Variants in DNAH11 observed in about 807,000 individuals in gnomAD.
DNAH11 encodes axonemal beta dynein heavy chain 11.
DNAH11 carries 442 observed loss-of-function variants against 526.0 expected under a neutral mutation model. The observed-to-expected ratio is 0.84, with a 90% CI of 0.78 to 0.91. The LOEUF (loss-of-function observed/expected upper bound fraction) is 0.91, where lower values mean the gene tolerates loss of function less well. DNAH11 is among the 40% of genes least tolerant of loss of function. DNAH11 has a pLI of 0.00. For synonymous variants in DNAH11, 2,461 were observed against 1,935.9 expected (o/e 1.27, Z -7.12); for missense variants, 6,989 against 5,448.7 (o/e 1.28, Z -8.90).
intron 63 of DNAH11, among the ~76,000 whole-genome samples, chr7:21,809,366 G>A (rs1789408038): frequency 1.3e-5 from 2 of 152,018 alleles, no homozygotes; most frequent in Admixed American, 6.6e-5. Context: ...TGTTTCCTTT[G>A]CTGAGCAGAA....
At chr7:21,825,849 C>T (rs1012125919) in intron 65 of DNAH11, among the ~76,000 whole-genome samples, 2 of 151,640 alleles carry the variant, frequency 1.3e-5, no homozygotes, top group East Asian at 1.9e-4. Context: ...GTCCCAGCTA[C>T]TCGGGAGGCT....
intron 2 of DNAH11, among the ~76,000 whole-genome samples, chr7:21,557,130 A>G (rs974498351): frequency 6.6e-6 from 1 of 151,940 alleles, no homozygotes; most frequent in African/African-American, 2.4e-5. Context: ...GCTTAAACCT[A>G]AACTCTTCAG....
At chr7:21,678,009 A>G (rs1483882103) in intron 30 of DNAH11, among the ~76,000 whole-genome samples, 14 of 152,074 alleles carry the variant, frequency 9.2e-5, no homozygotes. Flanking sequence ...ATTTTCTTCC[A>G]TTCCATAGGC....
At chr7:21,824,887 T>G (rs1790208044) in intron 65 of DNAH11, among the ~76,000 whole-genome samples, 1 of 152,208 alleles carries the variant, frequency 6.6e-6, no homozygotes, top group South Asian at 2.1e-4. Context: ...TAATATTGTT[T>G]TTGAAACAGA....
In DNAH11 at chr7:21,899,339, C is replaced by CA; in HGVS notation, c.13055dup (p.Asn4352LysfsTer2). 1 of 1,613,860 alleles carries CA rather than the reference C, an allele frequency of 6.2e-7. No homozygotes were observed. The highest frequency in any genetic ancestry group is 8.5e-7 in the Non-Finnish European group (1 of 1,179,746). On this transcript the variant is annotated frameshift_variant, in exon 80 of 82. Coordinates refer to ENST00000409508, the MANE Select transcript of DNAH11 (RefSeq NM_001277115.2). LOFTEE classifies it high-confidence loss of function. ...CTTCCTCCCTCCCATAAACCAGGTTCAATGACCTCCTCCTGCGATGCCGAG... is the reference window on the plus strand; with the variant it reads ...CTTCCTCCCTCCCATAAACCAGGTTCAAATGACCTCCTCCTGCGATGCCGAG...
At chr7:21,653,557 C>G (rs758574124) in intron 28 of DNAH11, among the ~76,000 whole-genome samples, 7 of 152,174 alleles carry the variant, frequency 4.6e-5, no homozygotes, top group Admixed American at 1.3e-4. Context: ...TGAATATTAT[C>G]TAGGCCCATT....
chr7:21,553,070 A>ATTTTTTTTTT lies in DNAH11; in HGVS notation c.496-5717_496-5708dup, dbSNP rs35121910. Among the ~76,000 whole-genome samples the ATTTTTTTTTT allele has an allele frequency of 1.9e-4, 13 of 66,764 alleles. 1 individual carries two copies. The highest frequency in any genetic ancestry group is 8.0e-4 in the African/African-American group (11 of 13,712). The allele number at this position is 66,764 out of a possible 152,430, so 43.8% of individuals were successfully genotyped here. A position where few individuals can be genotyped will look rare whatever the true frequency, so the allele number is the denominator to read the frequency against. On this transcript the variant is annotated intron_variant, in intron 2 of 81. Transcript: ENST00000409508. ...ATTTTCTCCCTTCAGTATAAATGGGATTTTTTTTTTTTTTTTTTTTTTTTG... is the reference window on the plus strand; with the variant it reads ...ATTTTCTCCCTTCAGTATAAATGGGATTTTTTTTTTTTTTTTTTTTTTTTTTTTTTTTTTG...
At chr7:21,646,595 A>C (rs966519342) in intron 28 of DNAH11, among the ~76,000 whole-genome samples, 4 of 152,292 alleles carry the variant, frequency 2.6e-5, no homozygotes, top group African/African-American at 9.6e-5. Flanking sequence ...ATAGTGCACT[A>C]CATGTGAGGA....
In DNAH11 at chr7:21,725,979, C is replaced by T; in HGVS notation, c.7435C>T (p.Leu2479=). The change falls in exon 45 of 82, where the codon CTG becomes TTG. Residue 2479 remains leucine, a synonymous_variant. Transcript: ENST00000409508. ...AQFTMDPDVP[L]QTVLVHTTET... ...GTTTACTATGGATCCAGATGTGCCT[C>T]TGCAGGTAGGTGTGTGGAACATAGC... is the stretch of plus-strand genomic sequence containing the variant. 1 of 1,550,682 alleles carries T rather than the reference C, an allele frequency of 6.4e-7. No homozygotes were observed. Among genetic ancestry groups the T allele is most frequent in the Admixed American group, 2.0e-5 (1 of 50,582 alleles).
At chr7:21,890,053 C>T (rs62445892) in intron 76 of DNAH11, among the ~76,000 whole-genome samples, 7,468 of 152,226 alleles carry the variant, frequency 0.049, 233 homozygotes, top group Non-Finnish European at 0.063. Flanking sequence ...ACGAGGAAGA[C>T]CAAAACTTAC....
chr7:21,839,174 C>G (rs1230551722), intron 65 of DNAH11, among the ~76,000 whole-genome samples: 1 of 152,116 alleles, frequency 6.6e-6, no homozygotes, highest in African/African-American at 2.4e-5. Flanking sequence ...TTTTACCCAT[C>G]TTTCACTTGT....
Position 21,633,019 on chromosome 7 carries a change from G to A in DNAH11, c.4501-2852G>A, listed in dbSNP as rs571831221. Among the ~76,000 whole-genome samples, 22 of 152,258 alleles carry A rather than the reference G, an allele frequency of 1.4e-4. No individual in the cohort carries two copies. In the East Asian group the frequency reaches 4.1e-3, roughly 28 times the overall value. On this transcript the variant is annotated intron_variant, in intron 25 of 81. Coordinates refer to ENST00000409508, the MANE Select transcript of DNAH11 (RefSeq NM_001277115.2). ...AATCATGGTGGAAGGTGAAAAGCAC[G>A]TCTCCCAAAGTGGCAGACAAGACAG...
chr7:21,808,428 A>G (rs560047928), intron 63 of DNAH11, among the ~76,000 whole-genome samples: 1 of 152,158 alleles, frequency 6.6e-6, no homozygotes, highest in Non-Finnish European at 1.5e-5. Flanking sequence ...TGAAATATAC[A>G]ATAAATTATT....
chr7:21,647,758 T>C (rs1034934386), intron 28 of DNAH11, among the ~76,000 whole-genome samples: 1 of 151,802 alleles, frequency 6.6e-6, no homozygotes, highest in Non-Finnish European at 1.5e-5. Context: ...TTCAATGTAC[T>C]GAAAGAAAAA....
chr7:21,595,303 C>T (rs1784823610), intron 14 of DNAH11, among the ~76,000 whole-genome samples: 1 of 152,194 alleles, frequency 6.6e-6, no homozygotes, highest in Admixed American at 6.5e-5. Context: ...TAAACCCCTC[C>T]TCATAATACC....
intron 45 of DNAH11, among the ~76,000 whole-genome samples, chr7:21,726,840 G>A (rs1399382382): frequency 2.7e-5 from 2 of 75,112 alleles, no homozygotes; most frequent in East Asian, 4.9e-4. Flanking sequence ...CAGCCTGGGC[G>A]ACAGAGCAAG....
chr7:21,885,930 G>A (rs569967169), intron 76 of DNAH11, among the ~76,000 whole-genome samples: 1 of 152,246 alleles, frequency 6.6e-6, no homozygotes, highest in Non-Finnish European at 1.5e-5. Flanking sequence ...TCTGGAAAAA[G>A]TACTCCATTT....
chr7:21,862,799 C>T (rs937257958), intron 69 of DNAH11, among the ~76,000 whole-genome samples: 4 of 152,084 alleles, frequency 2.6e-5, no homozygotes, highest in East Asian at 1.9e-4. Context: ...CGTTCATGGC[C>T]GGGCACGGTG....
chr7:21,675,827 G>A (rs779668511), intron 30 of DNAH11, among the ~76,000 whole-genome samples: 17 of 152,168 alleles, frequency 1.1e-4, no homozygotes, highest in Non-Finnish European at 2.1e-4. Context: ...ATGATTGATA[G>A]GATACTCATA....
Sources: gnomAD v4.1 joint callset for allele counts (sites outside exome capture counted in the v4.1 genomes callset) on GRCh38, gnomAD v4.1.1 for gene constraint, MANE v1.5 for transcripts, NCBI Gene and HGNC (gene_info 2026-07-23, HGNC 2026-07-21) for gene names.